Variants in BRCA2 observed in about 807,000 individuals in gnomAD.
BRCA2 encodes BRCA2 DNA repair associated, also known as breast cancer type 2 susceptibility protein.
Under a neutral mutation model 276.7 loss-of-function variants are expected in BRCA2, and 203 were observed. The ratio of observed to expected loss-of-function variants is 0.73; its 90% CI spans 0.65 to 0.82. The LOEUF (loss-of-function observed/expected upper bound fraction) is 0.82, where lower values mean the gene tolerates loss of function less well. BRCA2 is among the 40% of genes least tolerant of loss of function. The pLI is 0.00. For synonymous variants in BRCA2, 1,289 were observed against 1,338.4 expected, an observed-to-expected ratio of 0.96 and a Z score of 0.81; for missense variants, 3,920 against 3,915.0, an observed-to-expected ratio of 1.00 and a Z score of -0.03.
chr13:32,316,730 A>G (rs2072264672), intron 2 of BRCA2, among the ~76,000 whole-genome samples: 1 of 152,234 alleles, frequency 6.6e-6, no homozygotes, highest in African/African-American at 2.4e-5. Context: ...TAAAGAGGAA[A>G]CTGGCCCCTT....
intron 18 of BRCA2, among the ~76,000 whole-genome samples, chr13:32,369,915 C>T (rs2072815701): frequency 6.6e-6 from 1 of 152,158 alleles, no homozygotes; most frequent in African/African-American, 2.4e-5. Flanking sequence ...TAACACCATG[C>T]CAGGTACCTT....
chr13:32,338,465 C>T lies in BRCA2; in HGVS notation c.4110C>T (p.Gly1370=), dbSNP rs758430181. 6.2e-7 allele frequency: 1 copy of T among 1,611,016 alleles called. No homozygotes were observed. The highest frequency in any genetic ancestry group is 1.7e-5 in the Admixed American group (1 of 59,396). ...ACAACATATGTCTTAAATTATCTGG[C>T]CAGTTTATGAAGGAGGGAAACACTC... The part of the protein sequence containing the change: ...DQHNICLKLS[G]QFMKEGNTQI... Residue 1370 remains glycine (G), a synonymous_variant, in exon 11 of 27, where the codon GGC becomes GGT. Coordinates refer to ENST00000380152, the MANE Select transcript of BRCA2 (RefSeq NM_000059.4).
At chr13:32,317,606 CAA>C (rs1356312592) in intron 2 of BRCA2, among the ~76,000 whole-genome samples, 1 of 152,292 alleles carries the variant, frequency 6.6e-6, no homozygotes, top group East Asian at 1.9e-4. Context: ...CTGAATTATA[CAA>C]AGTTTCCAAA....
chr13:32,321,808 G>A (rs920888198), intron 3 of BRCA2, among the ~76,000 whole-genome samples: 3 of 152,136 alleles, frequency 2.0e-5, no homozygotes. Flanking sequence ...CTGCCTCTCA[G>A]CAGTCCTTCC....
At chr13:32,334,468 G>A (rs2072433269) in intron 10 of BRCA2, among the ~76,000 whole-genome samples, 1 of 151,976 alleles carries the variant, frequency 6.6e-6, no homozygotes. Flanking sequence ...TTATGGTCAG[G>A]AGTTTAAGAA....
In BRCA2 at chr13:32,338,596, C is replaced by T. The variant is rs70953664; in HGVS notation, c.4241C>T (p.Thr1414Met). Reference protein sequence around the residue: ...SNKEQLTATKTEQNIKDFETS... With the variant: ...SNKEQLTATKMEQNIKDFETS... The stretch of plus-strand genomic sequence containing the variant: ...AAAGAACAGTTAACTGCTACTAAAA[C>T]GGAGCAAAATATAAAAGATTTTGAG... The change falls in exon 11 of 27, where the codon ACG (threonine) becomes ATG (methionine). Residue 1414 changes from threonine (T) to methionine (M), a missense_variant. Physicochemically the swap from Thr to Met is moderately conservative, Grantham distance 81. This residue lies in a region of BRCA2 where 3,263 missense variants were observed against 3,156.9 expected (regional missense o/e 1.03). Coordinates refer to ENST00000380152, the MANE Select transcript of BRCA2 (RefSeq NM_000059.4). 4.4e-4 allele frequency: 707 copies of T among 1,596,150 alleles called. 4 individuals carry two copies. The African/African-American group carries it at 7.9e-3, about 18-fold the overall frequency.
At chr13:32,317,111 A>C (rs2072268958) in intron 2 of BRCA2, among the ~76,000 whole-genome samples, 1 of 152,216 alleles carries the variant, frequency 6.6e-6, no homozygotes, top group Admixed American at 6.5e-5. Context: ...AGGCAGGAGA[A>C]TCGCTTGAAC....
At chr13:32,325,742 G>T (rs1214065966) in intron 4 of BRCA2, among the ~76,000 whole-genome samples, 1 of 151,798 alleles carries the variant, frequency 6.6e-6, no homozygotes. Context: ...GGGTTTCACC[G>T]TGTTAGCTAG....
Position 32,333,032 on chromosome 13 carries a change from A to T in BRCA2, c.1554A>T (p.Ala518=), listed in dbSNP as rs786201487. The T allele has an allele frequency of 3.1e-6, 5 of 1,596,428 alleles. No individual in the cohort carries two copies. The highest frequency in any genetic ancestry group is 4.3e-6 in the Non-Finnish European group (5 of 1,175,626). Residue 518 remains alanine, a synonymous_variant, in exon 10 of 27, where the codon GCA becomes GCT. Coordinates refer to ENST00000380152, the MANE Select transcript of BRCA2 (RefSeq NM_000059.4). ...AATCACCTAAAGAGACTTTCAATGC[A>T]AGTTTTTCAGGTCATATGACTGATC... ...IRESPKETFN[A]SFSGHMTDPN... is the part of the protein sequence containing the mutation.
At chr13:32,361,127 A>C (rs1268179960) in intron 16 of BRCA2, among the ~76,000 whole-genome samples, 1 of 152,230 alleles carries the variant, frequency 6.6e-6, no homozygotes, top group Non-Finnish European at 1.5e-5. Flanking sequence ...ATCGGCATAT[A>C]GATGGACTTG....
chr13:32,323,336 G>A (rs1021188177), intron 3 of BRCA2, among the ~76,000 whole-genome samples: 3 of 152,118 alleles, frequency 2.0e-5, no homozygotes, highest in East Asian at 3.9e-4. Context: ...TGTATTTTTA[G>A]TAGAGACGGG....
rs878853575 is a variant in BRCA2 at position 32,338,181 on chromosome 13, G to A, written c.3826G>A (p.Glu1276Lys). 7.7e-6 allele frequency: 12 copies of A among 1,568,580 alleles called. No homozygotes were observed. Among genetic ancestry groups the A allele is most frequent in the Non-Finnish European group, 1.0e-5 (12 of 1,156,952 alleles). ...HDSVVSMFKI[E>K]NHNDKTVSEK... The stretch of plus-strand genomic sequence containing the variant: ...TTCTGTTGTTTCAATGTTTAAGATA[G>A]AAAATCATAATGATAAAACTGTAAG... The change falls in exon 11 of 27, where the codon GAA becomes AAA. Residue 1276 changes from glutamate to lysine, a missense_variant. Physicochemically the swap from Glu to Lys is moderately conservative, Grantham distance 56. Transcript: ENST00000380152.
At chr13:32,341,406 ATC>A (rs991983768) in intron 11 of BRCA2, among the ~76,000 whole-genome samples, 10 of 152,160 alleles carry the variant, frequency 6.6e-5, no homozygotes, top group African/African-American at 2.4e-4. Flanking sequence ...CAGATTCGAT[ATC>A]TCTGAATCTG....
At chr13:32,358,265 C>G (rs2072714913) in intron 16 of BRCA2, among the ~76,000 whole-genome samples, 1 of 151,686 alleles carries the variant, frequency 6.6e-6, no homozygotes, top group African/African-American at 2.4e-5. Flanking sequence ...CACCTGAGGT[C>G]AGGAGTTCGA....
chr13:32,370,265 T>C, intron 18 of BRCA2, 137 bp from the exon 19 acceptor site: 1 of 774,862 alleles, frequency 1.3e-6, no homozygotes, highest in Non-Finnish European at 2.1e-6. Context: ...TTATTTACTG[T>C]CTTACTAATC....
At chr13:32,373,306 G>C (rs2072847849) in intron 20 of BRCA2, among the ~76,000 whole-genome samples, 1 of 149,656 alleles carries the variant, frequency 6.7e-6, no homozygotes, top group Non-Finnish European at 1.5e-5. Context: ...AGGAGTTGAA[G>C]ACCAGCCTGG....
Position 32,340,108 on chromosome 13 carries a change from A to G in BRCA2, c.5753A>G (p.His1918Arg), listed in dbSNP as rs80358804. Residue 1918 changes from histidine to arginine, a missense_variant, in exon 11 of 27, where the codon CAT becomes CGT. Physicochemically the swap from His to Arg is conservative, Grantham distance 29. Transcript: ENST00000380152. Reference protein sequence around the residue: ...LDNDECSTHSHKVFADIQSEE... With the variant: ...LDNDECSTHSRKVFADIQSEE... ...AATGATGAATGTAGCACGCATTCAC[A>G]TAAGGTTTTTGCTGACATTCAGAGT... 9.3e-6 allele frequency: 15 copies of G among 1,613,710 alleles called. No homozygotes were observed. The highest frequency in any genetic ancestry group is 8.9e-5 in the East Asian group (4 of 44,864).
chr13:32,365,298 G>A lies in BRCA2; in HGVS notation c.8331+1765G>A, dbSNP rs906889117. ...ATTACAGACATGAACCACTGTACCT[G>A]GCCTGCGGTGCTGTTTTTATCTTCA... On this transcript the variant is annotated intron_variant, in intron 18 of 26. Coordinates refer to ENST00000380152, the MANE Select transcript of BRCA2 (RefSeq NM_000059.4). Among the ~76,000 whole-genome samples, 4 of 151,100 alleles carry A rather than the reference G, an allele frequency of 2.6e-5. No homozygotes were observed. The South Asian group carries it at 6.3e-4, about 24-fold the overall frequency.
intron 11 of BRCA2, among the ~76,000 whole-genome samples, chr13:32,341,439 T>C (rs923750939): frequency 2.0e-5 from 3 of 152,170 alleles, no homozygotes; most frequent in African/African-American, 4.8e-5. Context: ...AATCATGTTT[T>C]AAGGGTCTCA....
Sources: allele counts gnomAD v4.1 joint callset (sites outside exome capture counted in the v4.1 genomes callset), GRCh38; gene constraint gnomAD v4.1.1; regional missense constraint gnomAD v4.1.1; transcripts MANE v1.5; gene names NCBI Gene and HGNC (gene_info 2026-07-23, HGNC 2026-07-21).